The following HMCN2 variants were observed in gnomAD, a reference collection of about 807,000 sequenced individuals.
HMCN2 encodes the protein hemicentin-2.
HMCN2 carries 325 observed loss-of-function variants against 377.5 expected under a neutral mutation model. That is an observed-to-expected ratio of 0.86 (90% confidence interval 0.79 to 0.94). The LOEUF (loss-of-function observed/expected upper bound fraction) is 0.94. Among genes scored for constraint, HMCN2 ranks in the 40% least tolerant of loss-of-function variants. The probability of loss-of-function intolerance (pLI) is 0.00; values close to 1 mark genes in which losing one functional copy is unlikely to be tolerated. For missense variants in HMCN2, 4,543 were observed against 4,725.3 expected (o/e 0.96, Z 1.13); for synonymous variants, 2,007 against 2,046.8 (o/e 0.98, Z 0.53).
rs1297473183 is a variant in HMCN2, at chr9:130,383,320, C to T, written c.8734-184C>T. ...GCTACAGAGAACCACCCAACACCAA[C>T]CTCACACGCCCGCTCCTGAGCGCCA... On this transcript the variant is annotated intron_variant, in intron 56 of 97. Transcript: ENST00000683500. Among the ~76,000 whole-genome samples the T allele has an allele frequency of 2.6e-5, 4 of 152,260 alleles. No homozygotes were observed. The East Asian group carries it at 7.7e-4, about 29-fold the overall frequency.
chr9:130,377,652 G>A lies in HMCN2; in HGVS notation c.8065G>A (p.Val2689Met), dbSNP rs771708219. The change falls in exon 53 of 98, where the codon GTG becomes ATG. Residue 2689 changes from valine to methionine, a missense_variant. Around this residue, in one of 5 missense-constraint regions of HMCN2, gnomAD observed 736 missense variants for 773.2 expected, o/e 0.95. Coordinates refer to ENST00000683500, the MANE Select transcript of HMCN2 (RefSeq NM_001291815.2). ...TIRWYKDGQP[V>M]TPSSRLQVLG... ...GACCCCCTCATCCTCCTCACAGCCC[G>A]TGACCCCCAGCTCGCGGCTGCAGGT... The A allele has an allele frequency of 4.1e-6, 4 of 985,870 alleles. No homozygotes were observed. The highest frequency in any genetic ancestry group is 4.7e-5 in the South Asian group (1 of 21,278). 61.1% of individuals were successfully genotyped at this position (985,870 alleles called of 1,614,324 possible).
rs775309512 is a variant in HMCN2, at chr9:130,406,069, C to T, written c.12454C>T (p.Arg4152Cys). The T allele has an allele frequency of 8.4e-5, 108 of 1,289,720 alleles. 1 individual carries two copies. The South Asian group carries it at 1.1e-3, about 14-fold the overall frequency. The allele number at this position is 1,289,720 out of a possible 1,614,324, so 79.9% of individuals were successfully genotyped here. A position where few individuals can be genotyped will look rare whatever the true frequency, so the allele number is the denominator to read the frequency against. The change falls in exon 82 of 98, where the codon CGC becomes TGC. Residue 4152 changes from arginine to cysteine, a missense_variant. Physicochemically the swap from Arg to Cys is radical, Grantham distance 180 (BLOSUM62 -3). This residue lies in a region of HMCN2 where 1,073 missense variants were observed against 1,319.5 expected (regional missense o/e 0.81). Transcript: ENST00000683500. The part of the protein sequence containing the change: ...LPVFTTLPGD[R>C]SLRLGDRLWL... Reference sequence around the variant, plus strand: ...TGTGTTCACCACCCTGCCTGGGGACCGCAGCCTGCGCCTTGGGGACAGGCT... The same window carrying T: ...TGTGTTCACCACCCTGCCTGGGGACTGCAGCCTGCGCCTTGGGGACAGGCT...
At chr9:130,299,776 C>A (rs1184109949) in intron 8 of HMCN2, among the ~76,000 whole-genome samples, 1 of 150,828 alleles carries the variant, frequency 6.6e-6, no homozygotes, top group African/African-American at 2.5e-5. Flanking sequence ...TCCATCTACC[C>A]ACCCATTCAT....
Position 130,425,925 on chromosome 9 carries a change from G to A in HMCN2, c.13879+1G>A. ...CAGCTCGCTACAGCCCTGCAGGCGG[G>A]TGAGGCCCCTCTGCTTTGTTCCACC... On this transcript the variant is annotated splice_donor_variant, in intron 90 of 97. Coordinates refer to ENST00000683500, the MANE Select transcript of HMCN2 (RefSeq NM_001291815.2). LOFTEE classifies it high-confidence loss of function. 1.3e-6 allele frequency: 2 copies of A among 1,545,000 alleles called. No individual in the cohort carries two copies. Among genetic ancestry groups the A allele is most frequent in the Non-Finnish European group, 1.7e-6 (2 of 1,145,100 alleles).
chr9:130,406,310 C>A, intron 82 of HMCN2, 142 bp downstream of exon 82: 1 of 627,910 alleles, frequency 1.6e-6, no homozygotes, highest in Non-Finnish European at 2.5e-6. Context: ...CCAACGTGGC[C>A]CTATGTAGGG....
intron 22 of HMCN2, among the ~76,000 whole-genome samples, chr9:130,330,610 A>C (rs954770330): frequency 1.3e-5 from 2 of 151,974 alleles, no homozygotes; most frequent in Non-Finnish European, 2.9e-5. Flanking sequence ...CGACCCCCCC[A>C]AGTCAGCAAG....
rs1416907983 is a variant in HMCN2, at chr9:130,400,877, G to A, written c.11700G>A (p.Pro3900=). Residue 3900 remains proline (P), a synonymous_variant, in exon 77 of 98, where the codon CCG becomes CCA. Transcript: ENST00000683500. The stretch of plus-strand genomic sequence containing the variant: ...GTCACAGCACGGGTATACCAGCTCC[G>A]ACCGTGTCCTGGAGCAAGGCAGGCG... ...LTCHSTGIPA[P]TVSWSKAGAQ... The A allele has an allele frequency of 3.9e-6, 5 of 1,289,542 alleles. No individual in the cohort carries two copies. The highest frequency in any genetic ancestry group is 5.6e-5 in the East Asian group (1 of 17,968). The allele number at this position is 1,289,542 out of a possible 1,614,324, so 79.9% of individuals were successfully genotyped here. A position where few individuals can be genotyped will look rare whatever the true frequency, so the allele number is the denominator to read the frequency against.
rs1834101377 is a variant in HMCN2, at chr9:130,266,381, C to CCG, written c.259+248_259+249dup. Among the ~76,000 whole-genome samples the CCG allele has an allele frequency of 2.0e-5, 3 of 152,202 alleles. No individual in the cohort carries two copies. The South Asian group carries it at 6.2e-4, about 32-fold the overall frequency. The stretch of plus-strand genomic sequence containing the variant: ...CAAGGAACCTGCTCTCCCTGCTCTC[C>CCG]CGCGCCGTTGTGAGACTTCAGCAAG... On this transcript the variant is annotated intron_variant, in intron 1 of 97. Coordinates refer to ENST00000683500, the MANE Select transcript of HMCN2 (RefSeq NM_001291815.2).
chr9:130,405,903 A>G, intron 81 of HMCN2, 52 bp from the exon 82 acceptor site: 2 of 1,221,350 alleles, frequency 1.6e-6, no homozygotes, highest in Non-Finnish European at 2.1e-6. Flanking sequence ...GGGCATCCTG[A>G]CCTATGCCGA....
At chr9:130,315,157 C>G (rs1837464451) in intron 15 of HMCN2, among the ~76,000 whole-genome samples, 1 of 144,806 alleles carries the variant, frequency 6.9e-6, no homozygotes, top group African/African-American at 2.6e-5. Context: ...CCCTTTGAAC[C>G]TGCCCTAGAC....
rs866735240 is a variant in HMCN2 at position 130,354,747 on chromosome 9, C to T, written c.4865-16C>T. On this transcript the variant is annotated splice_polypyrimidine_tract_variant and intron_variant, in intron 31 of 97. Coordinates refer to ENST00000683500, the MANE Select transcript of HMCN2 (RefSeq NM_001291815.2). ...TCCAGCTGTGGTCCCCAAGCCGCCC[C>T]CTGCCTCTTTTCCAGTCCCACCTAC... 7.8e-7 allele frequency: 1 copy of T among 1,284,854 alleles called. No individual in the cohort carries two copies. The highest frequency in any genetic ancestry group is 1.5e-5 in the African/African-American group (1 of 65,682). 79.6% of individuals were successfully genotyped at this position (1,284,854 alleles called of 1,614,324 possible).
Position 130,425,808 on chromosome 9 carries a change from C to A in HMCN2, c.13763C>A (p.Ala4588Glu). Residue 4588 changes from alanine to glutamate, a missense_variant, in exon 90 of 98, where the codon GCG becomes GAG. This residue lies in a region of HMCN2 where 1,155 missense variants were observed against 1,157.7 expected (regional missense o/e 1.00). Coordinates refer to ENST00000683500, the MANE Select transcript of HMCN2 (RefSeq NM_001291815.2). ...LRCNHSIQYN[A>E]ARGPQPQLVQ... ...TGCAACCACAGCATCCAGTACAACG[C>A]GGCCCGGGGCCCCCAGCCCCAGCTG... 1 of 1,550,534 alleles carries A rather than the reference C, an allele frequency of 6.4e-7. No individual in the cohort carries two copies. Among genetic ancestry groups the A allele is most frequent in the Non-Finnish European group, 8.7e-7 (1 of 1,146,974 alleles).
intron 37 of HMCN2, among the ~76,000 whole-genome samples, chr9:130,359,713 A>G (rs1840257207): frequency 6.6e-6 from 1 of 152,088 alleles, no homozygotes; most frequent in African/African-American, 2.4e-5. Flanking sequence ...TCTGGTCTGT[A>G]GGGTCCTCCC....
chr9:130,277,863 C>G (rs1416854068), intron 1 of HMCN2, among the ~76,000 whole-genome samples: 1 of 27,710 alleles, frequency 3.6e-5, no homozygotes, highest in Non-Finnish European at 7.3e-5. Flanking sequence ...CCACCACCAT[C>G]ATCATCATCA....
In HMCN2 at chr9:130,365,949, C is replaced by T. The variant is rs550748164; in HGVS notation, c.6579C>T (p.Cys2193=). The part of the protein sequence containing the change: ...VREGHPTRLS[C]ECRGVPFPKI... ...AGGGGCACCCTACCAGGCTGTCCTG[C>T]GAATGCCGGGGTGTCCCCTTCCCCA... Residue 2193 remains cysteine (C), a synonymous_variant, in exon 43 of 98, where the codon TGC becomes TGT. Coordinates refer to ENST00000683500, the MANE Select transcript of HMCN2 (RefSeq NM_001291815.2). 9.1e-6 allele frequency: 9 copies of T among 985,740 alleles called. No individual in the cohort carries two copies. The South Asian group carries it at 1.4e-4, about 15-fold the overall frequency. The allele number at this position is 985,740 out of a possible 1,614,324, so 61.1% of individuals were successfully genotyped here.
intron 15 of HMCN2, among the ~76,000 whole-genome samples, chr9:130,313,461 A>G (rs1837373463): frequency 6.6e-6 from 1 of 152,090 alleles, no homozygotes; most frequent in African/African-American, 2.4e-5. Context: ...TGCCTGCATT[A>G]TTTGCCTCTC....
At chr9:130,311,516 A>G (rs1222571772) in intron 15 of HMCN2, among the ~76,000 whole-genome samples, 1 of 152,182 alleles carries the variant, frequency 6.6e-6, no homozygotes, top group Non-Finnish European at 1.5e-5. Context: ...TCATGAGCTC[A>G]GGCAGAGAGA....
intron 84 of HMCN2, among the ~76,000 whole-genome samples, 159 bp downstream of exon 84, chr9:130,409,092 T>G (rs1843271308): frequency 6.6e-6 from 1 of 152,192 alleles, no homozygotes; most frequent in Non-Finnish European, 1.5e-5. Context: ...CCACCAATAT[T>G]GACCTCCAGC....
rs782384302 is a variant in HMCN2, at chr9:130,310,025, G to A, written c.2314G>A (p.Gly772Ser). The A allele has an allele frequency of 3.7e-6, 2 of 533,936 alleles. No homozygotes were observed. The highest frequency in any genetic ancestry group is 5.5e-5 in the East Asian group (1 of 18,308). The allele number at this position is 533,936 out of a possible 1,614,324, so 33.1% of individuals were successfully genotyped here. Reference protein sequence around the residue: ...TYTCRAVNELGDASAEIQLAV... With the variant: ...TYTCRAVNELSDASAEIQLAV... ...CACCTGCCGGGCTGTCAATGAGTTG[G>A]GTGACGCCTCTGCAGAAATCCAGCT... Residue 772 changes from glycine (G) to serine (S), a missense_variant, in exon 15 of 98, where the codon GGT becomes AGT. Physicochemically the swap from Gly to Ser is moderately conservative, Grantham distance 56. Transcript: ENST00000683500.
Sources: allele counts gnomAD v4.1 joint callset (sites outside exome capture counted in the v4.1 genomes callset), GRCh38; gene constraint gnomAD v4.1.1; regional missense constraint gnomAD v4.1.1; transcripts MANE v1.5; gene names NCBI Gene and HGNC (gene_info 2026-07-23, HGNC 2026-07-21).